The following INSC variants were observed in gnomAD, a reference collection of about 807,000 sequenced individuals.
INSC encodes the protein INSC spindle orientation adaptor protein.
A neutral mutation model predicts 58.6 loss-of-function variants in INSC; 67 were observed. The ratio of observed to expected loss-of-function variants is 1.14; its 90% CI spans 0.94 to 1.40. The LOEUF is 1.40. INSC is among the 40% of genes most tolerant of loss of function. The pLI is 0.00. For missense variants in INSC, 714 were observed against 692.0 expected (o/e 1.03, Z -0.36); for synonymous variants, 262 against 276.1 (o/e 0.95, Z 0.51).
chr11:15,240,488 A>G lies in INSC; in HGVS notation c.1435A>G (p.Arg479Gly), dbSNP rs1310092542. ...LIELCRSPSE[R>G]NSSDAVLVAC... ...CGAGCTCTGCAGATCCCCATCAGAG[A>G]GGAACAGCAGTGACGCCGTGCTTGT... The change falls in exon 12 of 13, where the codon AGG becomes GGG. Residue 479 changes from arginine to glycine, a missense_variant. Coordinates refer to ENST00000379556, the MANE Select transcript of INSC (RefSeq NM_001042536.3). The G allele has an allele frequency of 6.2e-7, 1 of 1,613,934 alleles. No homozygotes were observed. The highest frequency in any genetic ancestry group is 2.2e-5 in the East Asian group (1 of 44,840).
At chr11:15,240,702 T>A (rs914702668) in intron 12 of INSC, among the ~76,000 whole-genome samples, 179 bp downstream of exon 12, 1 of 152,224 alleles carries the variant, frequency 6.6e-6, no homozygotes, top group Non-Finnish European at 1.5e-5. Flanking sequence ...CATAAAATCA[T>A]GATGAAAATT....
chr11:15,144,227 C>A (rs1477702663), intron 1 of INSC, among the ~76,000 whole-genome samples: 2 of 152,068 alleles, frequency 1.3e-5, no homozygotes, highest in Non-Finnish European at 2.9e-5. Context: ...ATGTTAGAGG[C>A]CAGAAAGAAA....
chr11:15,201,570 C>T (rs1412392052), intron 7 of INSC, among the ~76,000 whole-genome samples: 2 of 152,188 alleles, frequency 1.3e-5, no homozygotes, highest in Non-Finnish European at 2.9e-5. Flanking sequence ...TTCCCGCCAC[C>T]CTGACCCCTT....
At chr11:15,158,713 C>T (rs1158798930) in intron 2 of INSC, among the ~76,000 whole-genome samples, 3 of 152,110 alleles carry the variant, frequency 2.0e-5, no homozygotes, top group East Asian at 1.9e-4. Flanking sequence ...CATCTGTAAA[C>T]GGGGGTAATA....
chr11:15,228,785 G>C (rs543493195), intron 9 of INSC, among the ~76,000 whole-genome samples: 5 of 152,328 alleles, frequency 3.3e-5, no homozygotes, highest in African/African-American at 1.2e-4. Context: ...TGGCAAGCCA[G>C]GTCCACTTAA....
intron 7 of INSC, among the ~76,000 whole-genome samples, chr11:15,210,107 A>G (rs1850962233): frequency 6.6e-6 from 1 of 152,174 alleles, no homozygotes. Flanking sequence ...AAGTCAGATG[A>G]GTAGAAGCCC....
the INSC span, among the ~76,000 whole-genome samples, chr11:15,266,405 G>A: frequency 6.6e-6 from 1 of 152,006 alleles, no homozygotes; most frequent in African/African-American, 2.4e-5. Flanking sequence ...ACTAAATAGA[G>A]ACTTCTTGGT....
At chr11:15,148,536 A>G (rs139172764) in intron 1 of INSC, among the ~76,000 whole-genome samples, 61 of 152,360 alleles carry the variant, frequency 4.0e-4, no homozygotes, top group African/African-American at 1.4e-3. Context: ...TCATTGGCCT[A>G]AATTGAGCCA....
intron 6 of INSC, among the ~76,000 whole-genome samples, chr11:15,197,696 TC>T (rs1850422574): frequency 6.6e-6 from 1 of 152,216 alleles, no homozygotes. Context: ...CCCAGACCTC[TC>T]TATGATGATG....
chr11:15,191,056 C>T (rs2133861626), intron 6 of INSC, among the ~76,000 whole-genome samples: 1 of 151,200 alleles, frequency 6.6e-6, no homozygotes. Flanking sequence ...TCTCGGCTCA[C>T]TGCAAGCTCT....
intron 4 of INSC, 76 bp from the exon 5 acceptor site, chr11:15,178,248 G>T: frequency 6.3e-7 from 1 of 1,582,698 alleles, no homozygotes; most frequent in Non-Finnish European, 8.6e-7. Context: ...AGCAGGTCCA[G>T]TTCTGGCCCG....
chr11:15,231,234 C>T (rs1363711032), intron 9 of INSC, among the ~76,000 whole-genome samples: 1 of 152,190 alleles, frequency 6.6e-6, no homozygotes, highest in African/African-American at 2.4e-5. Flanking sequence ...TCTTTCTGCT[C>T]TTTGGTAGAG....
rs182388619 is a variant in INSC at position 15,206,395 on chromosome 11, C to A, written c.819+5446C>A. ...GCAGAGGGGACACCACAGCAGGGAG[C>A]CACCCCAGCAGGGAGCCACCCAATG... is the stretch of plus-strand genomic sequence containing the variant. On this transcript the variant is annotated intron_variant, in intron 7 of 12. Transcript: ENST00000379556. Among the ~76,000 whole-genome samples, 411 of 151,766 alleles carry A rather than the reference C, an allele frequency of 2.7e-3. 4 individuals are homozygous for A. The highest frequency in any genetic ancestry group is 4.1e-4 in the Non-Finnish European group (28 of 67,848).
the INSC span, among the ~76,000 whole-genome samples, chr11:15,267,169 C>T: frequency 5.3e-5 from 8 of 151,970 alleles, no homozygotes; most frequent in African/African-American, 1.9e-4. Context: ...GCCAGTTTTG[C>T]TCCACTGCCT....
At chr11:15,152,740 A>G (rs1327536772) in intron 2 of INSC, among the ~76,000 whole-genome samples, 1 of 152,192 alleles carries the variant, frequency 6.6e-6, no homozygotes, top group Non-Finnish European at 1.5e-5. Context: ...TGGCTCTGAG[A>G]ACATCTGGAG....
At chr11:15,254,422 G>A in the INSC span, among the ~76,000 whole-genome samples, 3 of 152,172 alleles carry the variant, frequency 2.0e-5, no homozygotes, top group Non-Finnish European at 4.4e-5. Flanking sequence ...AGGGTGGCAA[G>A]TTGTAGATAA....
At chr11:15,130,946 TTA>T (rs1382970301) in intron 1 of INSC, among the ~76,000 whole-genome samples, 1 of 152,046 alleles carries the variant, frequency 6.6e-6, no homozygotes, top group African/African-American at 2.4e-5. Context: ...GCAGTTTATT[TTA>T]TGTTTTCAAA....
intron 2 of INSC, among the ~76,000 whole-genome samples, chr11:15,158,980 C>T (rs999432134): frequency 5.3e-5 from 8 of 149,640 alleles, no homozygotes; most frequent in Non-Finnish European, 1.0e-4. Context: ...CTGAGCAGGC[C>T]CATGGAGAAC....
At chr11:15,232,889 C>A (rs1332737719) in intron 9 of INSC, among the ~76,000 whole-genome samples, 1 of 152,120 alleles carries the variant, frequency 6.6e-6, no homozygotes. Flanking sequence ...TCCCCTAGAG[C>A]CCCCAGAATA....
Sources: gnomAD v4.1 joint callset for allele counts (sites outside exome capture counted in the v4.1 genomes callset) on GRCh38, gnomAD v4.1.1 for gene constraint, MANE v1.5 for transcripts, NCBI Gene and HGNC (gene_info 2026-07-23, HGNC 2026-07-21) for gene names.